The following SIK3 variants were observed in gnomAD, a reference collection of about 807,000 sequenced individuals.
The protein encoded by SIK3 is serine/threonine-protein kinase SIK3.
SIK3 carries 28 observed loss-of-function variants against 144.2 expected under a neutral mutation model. The observed-to-expected ratio is 0.19, with a 90% CI of 0.14 to 0.27. The LOEUF is 0.27. Among genes scored for constraint, SIK3 ranks in the 10% least tolerant of loss-of-function variants. SIK3 has a pLI of 1.00. For synonymous variants in SIK3, 686 were observed against 676.3 expected (o/e 1.01, Z -0.22); for missense variants, 1,319 against 1,776.0 (o/e 0.74, Z 4.62).
intron 14 of SIK3, 124 bp downstream of exon 14, chr11:116,870,207 A>G (rs767863715): frequency 1.4e-5 from 21 of 1,551,098 alleles, no homozygotes; most frequent in Middle Eastern, 1.7e-4. Flanking sequence ...ATCTGGCTTG[A>G]GCAAAGAGAC....
intron 1 of SIK3, among the ~76,000 whole-genome samples, chr11:117,040,805 TATC>T (rs2135853227): frequency 6.6e-6 from 1 of 152,272 alleles, no homozygotes; most frequent in African/African-American, 2.4e-5. Context: ...ATATAAATAC[TATC>T]ATCATATTTT....
At chr11:116,885,727 G>A (rs902867779) in intron 6 of SIK3, among the ~76,000 whole-genome samples, 1 of 152,066 alleles carries the variant, frequency 6.6e-6, no homozygotes, top group African/African-American at 2.4e-5. Context: ...TGTATTTATT[G>A]AGAATGAAAA....
At chr11:116,916,509 C>CA (rs1451944279) in intron 4 of SIK3, among the ~76,000 whole-genome samples, 37 of 145,332 alleles carry the variant, frequency 2.5e-4, no homozygotes, top group African/African-American at 4.2e-4. Context: ...AATATCACAT[C>CA]AAATTTTTTT....
chr11:116,941,862 A>G (rs1322556086), intron 3 of SIK3, among the ~76,000 whole-genome samples: 3 of 152,194 alleles, frequency 2.0e-5, no homozygotes, highest in African/African-American at 7.2e-5. Context: ...CAGAGTGTGG[A>G]AGTTTTAAAT....
Position 116,849,370 on chromosome 11 carries a change from C to A in SIK3, c.3656-87G>T. 2 of 1,518,600 alleles carry A rather than the reference C, an allele frequency of 1.3e-6. No homozygotes were observed. The highest frequency in any genetic ancestry group is 1.8e-6 in the Non-Finnish European group (2 of 1,106,968). The allele number at this position is 1,518,600 out of a possible 1,614,324, so 94.1% of individuals were successfully genotyped here. ...CATCCAAGAAATGTCTTGCAAGGGA[C>A]AATGGGCAAGGCTGAGGAGATCATG... On this transcript the variant is annotated intron_variant, in intron 21 of 24. Coordinates refer to ENST00000445177, the MANE Select transcript of SIK3 (RefSeq NM_001366686.3). The surrounding 1 kb of genome is among the most constrained non-coding windows in gnomAD (Gnocchi z 4.2).
At position 116,876,970 on chromosome 11, in the gene SIK3, T is replaced by C. The variant is rs1478347285; in HGVS notation, c.938A>G (p.Lys313Arg). 6 of 1,614,186 alleles carry C rather than the reference T, an allele frequency of 3.7e-6. No individual in the cohort carries two copies. The highest frequency in any genetic ancestry group is 1.7e-5 in the Admixed American group (1 of 60,026). ...NKRLSMEQICKHKWMKLGDAD... is the reference protein window; with the variant it reads ...NKRLSMEQICRHKWMKLGDAD... Reference sequence around the variant, plus strand: ...GTCCCCTAGCTTCATCCACTTGTGCTTGCAGATCTGCTCCATGGAGAGGCG... The same window carrying C: ...GTCCCCTAGCTTCATCCACTTGTGCCTGCAGATCTGCTCCATGGAGAGGCG... Residue 313 changes from lysine (K) to arginine (R), a missense_variant, in exon 7 of 25, where the codon AAG becomes AGG. By Grantham distance (26) the Lys-to-Arg change is conservative (BLOSUM62 2). Coordinates refer to ENST00000445177, the MANE Select transcript of SIK3 (RefSeq NM_001366686.3).
intron 1 of SIK3, among the ~76,000 whole-genome samples, chr11:116,985,196 A>G (rs1185163180): frequency 6.6e-6 from 1 of 152,202 alleles, no homozygotes; most frequent in Non-Finnish European, 1.5e-5. Context: ...TAGCCTAATG[A>G]GATGTTACCA....
intron 3 of SIK3, among the ~76,000 whole-genome samples, chr11:116,940,552 A>G (rs905072667): frequency 6.6e-5 from 10 of 151,964 alleles, no homozygotes; most frequent in African/African-American, 1.2e-4. Context: ...ATATATACTC[A>G]ATACAGCAAA....
intron 2 of SIK3, among the ~76,000 whole-genome samples, chr11:116,955,227 G>A (rs373326792): frequency 3.9e-5 from 6 of 151,978 alleles, no homozygotes; most frequent in South Asian, 4.1e-4. Flanking sequence ...GTGAAACCCC[G>A]TTTCTACTAA....
At chr11:116,999,624 G>A (rs771076700) in intron 1 of SIK3, among the ~76,000 whole-genome samples, 2 of 151,580 alleles carry the variant, frequency 1.3e-5, no homozygotes, top group Non-Finnish European at 2.9e-5. Context: ...AGTAGAGATG[G>A]GGTTTCACCA....
At chr11:116,900,864 TA>T (rs1305555611) in intron 4 of SIK3, among the ~76,000 whole-genome samples, 13 of 146,310 alleles carry the variant, frequency 8.9e-5, no homozygotes, top group African/African-American at 2.4e-4. Context: ...ATATATTATT[TA>T]TTTTTTTTTT....
Position 117,098,185 on chromosome 11 carries a change from G to A in SIK3, c.231C>T (p.Phe77=), listed in dbSNP as rs1236327873. ...GGTGCGTGGCCCGCTTGACCACCGCGAAGTTGCCCTTGCCGATGGTGCGGT... is the reference window on the plus strand; with the variant it reads ...GGTGCGTGGCCCGCTTGACCACCGCAAAGTTGCCCTTGCCGATGGTGCGGT... ...EIDRTIGKGN[F]AVVKRATHLV... The change falls in exon 1 of 25, where the codon TTC becomes TTT. Residue 77 remains phenylalanine (F), a synonymous_variant. Transcript: ENST00000445177. 2 of 1,522,424 alleles carry A rather than the reference G, an allele frequency of 1.3e-6. No homozygotes were observed. Among genetic ancestry groups the A allele is most frequent in the East Asian group, 2.8e-5 (1 of 35,784 alleles). The allele number at this position is 1,522,424 out of a possible 1,614,324, so 94.3% of individuals were successfully genotyped here.
chr11:117,040,526 T>C (rs1417802519), intron 1 of SIK3, among the ~76,000 whole-genome samples: 1 of 152,200 alleles, frequency 6.6e-6, no homozygotes, highest in Admixed American at 6.5e-5. Flanking sequence ...CTATAGGTAT[T>C]AGTACATAAA....
At chr11:116,864,105 G>A (rs1943498470) in intron 15 of SIK3, 1 of 247,640 alleles carries the variant, frequency 4.0e-6, no homozygotes, top group Non-Finnish European at 7.8e-6. Context: ...AATACACTAG[G>A]CCAGAGAGAA....
intron 1 of SIK3, among the ~76,000 whole-genome samples, chr11:117,046,244 G>A (rs1397356822): frequency 6.6e-6 from 1 of 152,194 alleles, no homozygotes; most frequent in African/African-American, 2.4e-5. Context: ...TAAGCAAACA[G>A]CAAAATACCA....
Position 116,858,439 on chromosome 11 carries a change from C to G in SIK3, c.3026G>C (p.Arg1009Thr). 6.2e-7 allele frequency: 1 copy of G among 1,607,700 alleles called. No homozygotes were observed. The highest frequency in any genetic ancestry group is 8.5e-7 in the Non-Finnish European group (1 of 1,176,080). ...AAGGATGTGGGGTACCTGCTGGTGT[C>G]TTGTATAGTCTGGCGGCGTGGGAGA... The part of the protein sequence containing the change: ...LLSPTPPDYT[R>T]HQQVPHILQG... The change falls in exon 21 of 25, where the codon AGA becomes ACA. Residue 1009 changes from arginine (R) to threonine (T), a missense_variant. Arg to Thr is a moderately conservative substitution (Grantham distance 71). Coordinates refer to ENST00000445177, the MANE Select transcript of SIK3 (RefSeq NM_001366686.3). The surrounding 1 kb of genome is among the most constrained non-coding windows in gnomAD (Gnocchi z 5.4).
At chr11:116,904,970 C>T (rs967548698) in intron 4 of SIK3, 3 of 167,110 alleles carry the variant, frequency 1.8e-5, no homozygotes, top group Non-Finnish European at 4.4e-5. Context: ...AGTTGTGCGA[C>T]GATGACCACA....
Position 116,897,196 on chromosome 11 carries a change from G to A in SIK3, c.738C>T (p.Ile246=). The stretch of plus-strand genomic sequence containing the variant: ...ATAAGAGAAGGCAGTTACTTACCCA[G>A]ATGTCCACTTTGGGCCCATCATATT... ...GKEYDGPKVD[I]WSLGVVLYVL... is the part of the protein sequence containing the mutation. The change falls in exon 5 of 25, where the codon ATC becomes ATT. Residue 246 remains isoleucine (I), a synonymous_variant. Coordinates refer to ENST00000445177, the MANE Select transcript of SIK3 (RefSeq NM_001366686.3). 1.2e-6 allele frequency: 2 copies of A among 1,613,858 alleles called. No homozygotes were observed. The highest frequency in any genetic ancestry group is 2.2e-5 in the East Asian group (1 of 44,858).
At chr11:116,967,435 G>T (rs1284576351) in intron 1 of SIK3, among the ~76,000 whole-genome samples, 1 of 152,140 alleles carries the variant, frequency 6.6e-6, no homozygotes, top group African/African-American at 2.4e-5. Context: ...TGTTCCTGTT[G>T]AACAAAATCA....
Sources: gnomAD v4.1 joint callset for allele counts (sites outside exome capture counted in the v4.1 genomes callset) on GRCh38, gnomAD v4.1.1 for gene constraint, Gnocchi (gnomAD v3.1) non-coding constraint, MANE v1.5 for transcripts, NCBI Gene and HGNC (gene_info 2026-07-23, HGNC 2026-07-21) for gene names.